The following COL14A1 variants were observed in gnomAD, a reference collection of about 807,000 sequenced individuals.
The protein encoded by COL14A1 is collagen alpha-1(XIV) chain.
COL14A1 carries 136 observed loss-of-function variants against 230.3 expected under a neutral mutation model. The ratio of observed to expected loss-of-function variants is 0.59; its 90% CI spans 0.51 to 0.68. The LOEUF is 0.68. Among genes scored for constraint, COL14A1 ranks in the 30% least tolerant of loss-of-function variants. The probability of loss-of-function intolerance (pLI) is 0.00; values close to 1 mark genes in which losing one functional copy is unlikely to be tolerated. For synonymous variants in COL14A1, 792 were observed against 784.1 expected, an observed-to-expected ratio of 1.01 and a Z score of -0.17; for missense variants, 1,976 against 2,215.8, an observed-to-expected ratio of 0.89 and a Z score of 2.17.
intron 45 of COL14A1, among the ~76,000 whole-genome samples, chr8:120,365,120 C>T (rs1423521370): frequency 6.6e-6 from 1 of 151,818 alleles, no homozygotes; most frequent in Non-Finnish European, 1.5e-5. Flanking sequence ...TTAAAACAAC[C>T]AGATTTTCTA....
chr8:120,164,475 TA>T (rs1563645127), intron 4 of COL14A1, among the ~76,000 whole-genome samples: 4 of 152,162 alleles, frequency 2.6e-5, no homozygotes, highest in African/African-American at 7.2e-5. Flanking sequence ...GGTGCAAAAG[TA>T]ATTGCAGTTT....
chr8:120,168,403 C>G (rs1034299117), intron 5 of COL14A1, among the ~76,000 whole-genome samples, 156 bp downstream of exon 5: 1 of 152,158 alleles, frequency 6.6e-6, no homozygotes, highest in African/African-American at 2.4e-5. Context: ...CTTTCCCACA[C>G]AAGATGACCC....
chr8:120,152,587 G>A (rs962475557), intron 2 of COL14A1, among the ~76,000 whole-genome samples: 1 of 148,792 alleles, frequency 6.7e-6, no homozygotes, highest in African/African-American at 2.5e-5. Flanking sequence ...TATGAAAAAT[G>A]TTCCCTCTCC....
chr8:120,153,130 TA>T (rs1367373676), intron 2 of COL14A1, among the ~76,000 whole-genome samples: 1 of 152,232 alleles, frequency 6.6e-6, no homozygotes, highest in Non-Finnish European at 1.5e-5. Context: ...CTCCGATTTA[TA>T]AAACATTTAG....
At chr8:120,184,137 C>T (rs912315225) in intron 5 of COL14A1, among the ~76,000 whole-genome samples, 1 of 151,216 alleles carries the variant, frequency 6.6e-6, no homozygotes, top group African/African-American at 2.4e-5. Context: ...GTAGGCTTTT[C>T]ATAATTATTA....
chr8:120,204,858 G>A (rs1253592287), intron 9 of COL14A1, among the ~76,000 whole-genome samples: 1 of 152,164 alleles, frequency 6.6e-6, no homozygotes, highest in Non-Finnish European at 1.5e-5. Context: ...TCCCAAGTGG[G>A]GTTGAGGGTC....
intron 42 of COL14A1, among the ~76,000 whole-genome samples, chr8:120,334,583 AAAAC>A (rs952126464): frequency 4.5e-4 from 49 of 108,832 alleles, no homozygotes; most frequent in Non-Finnish European, 4.0e-4. Context: ...TTCACACACA[AAAAC>A]ACACACACAC....
At chr8:120,217,237 G>C (rs1311945912) in intron 14 of COL14A1, among the ~76,000 whole-genome samples, 1 of 152,154 alleles carries the variant, frequency 6.6e-6, no homozygotes, top group Non-Finnish European at 1.5e-5. Context: ...GCTCTAGTTA[G>C]ATGAGCCTAA....
chr8:120,320,957 T>A (rs1316283453), intron 40 of COL14A1, among the ~76,000 whole-genome samples: 1 of 152,182 alleles, frequency 6.6e-6, no homozygotes, highest in African/African-American at 2.4e-5. Context: ...AATCTAAAGC[T>A]CAGAAAACGG....
intron 31 of COL14A1, among the ~76,000 whole-genome samples, chr8:120,283,431 T>A (rs905484350): frequency 2.0e-5 from 3 of 152,112 alleles, no homozygotes; most frequent in Non-Finnish European, 4.4e-5. Flanking sequence ...TATTAAATGG[T>A]GCTAAGAAAG....
Position 120,332,199 on chromosome 8 carries a change from G to A in COL14A1, c.4713+5G>A. 6.2e-7 allele frequency: 1 copy of A among 1,613,734 alleles called. No individual in the cohort carries two copies. The highest frequency in any genetic ancestry group is 8.5e-7 in the Non-Finnish European group (1 of 1,179,702). On this transcript the variant is annotated splice_donor_5th_base_variant and intron_variant, in intron 41 of 47. Coordinates refer to ENST00000297848, the MANE Select transcript of COL14A1 (RefSeq NM_021110.4). ...CCAGGACCACCAGGGCCAATAGTAA[G>A]CCTTTCCAGAAACTACTGGGACATA...
chr8:120,292,194 C>G (rs1245456890), intron 34 of COL14A1, among the ~76,000 whole-genome samples: 1 of 151,950 alleles, frequency 6.6e-6, no homozygotes, highest in Non-Finnish European at 1.5e-5. Flanking sequence ...AAAGATATGA[C>G]CAACTAAATA....
chr8:120,183,685 T>G lies in COL14A1; in HGVS notation c.437-13106T>G, dbSNP rs75276352. On this transcript the variant is annotated intron_variant, in intron 5 of 47. Transcript: ENST00000297848. Reference sequence around the variant, plus strand: ...CTTAAGCTGAAGGTCTCTGAGCGAGTGCTGAAATGTTGTTTCGGCTGTGGC... The same window carrying G: ...CTTAAGCTGAAGGTCTCTGAGCGAGGGCTGAAATGTTGTTTCGGCTGTGGC... Among the ~76,000 whole-genome samples the G allele has an allele frequency of 1.8e-4, 28 of 152,316 alleles. No homozygotes were observed. In the East Asian group the frequency reaches 5.4e-3, roughly 29 times the overall value.
rs1032764981 is a variant in COL14A1 at position 120,251,792 on chromosome 8, T to A, written c.2752+1026T>A. On this transcript the variant is annotated intron_variant, in intron 22 of 47. Transcript: ENST00000297848. ...TTTTAGTTAAATATCCAAATTTTCA[T>A]AGATACCCTAGAGATTTCAATATGA... Among the ~76,000 whole-genome samples the A allele has an allele frequency of 3.3e-5, 5 of 152,188 alleles. No individual in the cohort carries two copies. The East Asian group carries it at 9.6e-4, about 29-fold the overall frequency.
chr8:120,273,602 T>G (rs1050895984), intron 26 of COL14A1, among the ~76,000 whole-genome samples: 6 of 151,118 alleles, frequency 4.0e-5, no homozygotes, highest in African/African-American at 1.5e-4. Context: ...GAAATGAAAA[T>G]AGAGACATTA....
chr8:120,283,559 T>G (rs1356220397), intron 31 of COL14A1, 77 bp from the exon 32 acceptor site: 41 of 1,445,584 alleles, frequency 2.8e-5, no homozygotes, highest in East Asian at 4.6e-5. Flanking sequence ...GTAATGAAAA[T>G]GTATTTGCTT....
chr8:120,282,897 G>T (rs918345921), intron 31 of COL14A1, among the ~76,000 whole-genome samples: 1 of 152,136 alleles, frequency 6.6e-6, no homozygotes, highest in Non-Finnish European at 1.5e-5. Flanking sequence ...GTCAAGCTGT[G>T]AAGAATCTCA....
intron 45 of COL14A1, among the ~76,000 whole-genome samples, chr8:120,366,269 T>C (rs1465123195): frequency 1.3e-5 from 2 of 152,218 alleles, no homozygotes; most frequent in African/African-American, 2.4e-5. Context: ...ACCTGTCAAA[T>C]TGGCCATTTT....
intron 36 of COL14A1, among the ~76,000 whole-genome samples, chr8:120,301,965 G>T (rs1275017008): frequency 6.6e-6 from 1 of 152,082 alleles, no homozygotes; most frequent in Non-Finnish European, 1.5e-5. Context: ...GTGATACTGA[G>T]CTTTTTTTCA....
Sources: gnomAD v4.1 joint callset for allele counts (sites outside exome capture counted in the v4.1 genomes callset) on GRCh38, gnomAD v4.1.1 for gene constraint, MANE v1.5 for transcripts, NCBI Gene and HGNC (gene_info 2026-07-23, HGNC 2026-07-21) for gene names.